PLIN2: variants seen among roughly 807,000 people sequenced by gnomAD.
PLIN2 encodes perilipin-2.
PLIN2 carries 33 observed loss-of-function variants against 30.6 expected under a neutral mutation model. That is an observed-to-expected ratio of 1.08 (90% CI 0.82 to 1.44). The LOEUF (loss-of-function observed/expected upper bound fraction) is 1.44. PLIN2 is among the 40% of genes most tolerant of loss of function. PLIN2 has a pLI of 0.00. For synonymous variants in PLIN2, 205 were observed against 201.1 expected, an observed-to-expected ratio of 1.02 and a Z score of -0.16; for missense variants, 610 against 531.8, an observed-to-expected ratio of 1.15 and a Z score of -1.45.
rs891906247 is a variant in PLIN2, at chr9:19,123,404, T to C, written c.309+161A>G. On this transcript the variant is annotated intron_variant, in intron 4 of 7. Transcript: ENST00000276914. Reference sequence around the variant, plus strand: ...CTTCGTAGATACAACTTGACAACAGTTCAGGAAGTAAGGAAGTGGCCATTA... The same window carrying C: ...CTTCGTAGATACAACTTGACAACAGCTCAGGAAGTAAGGAAGTGGCCATTA... The C allele has an allele frequency of 6.4e-6, 10 of 1,551,750 alleles. No individual in the cohort carries two copies. The South Asian group carries it at 7.1e-5, about 11-fold the overall frequency.
chr9:19,126,033 G>A (rs975006266), intron 3 of PLIN2, 81 bp downstream of exon 3: 2 of 1,195,618 alleles, frequency 1.7e-6, no homozygotes, highest in African/African-American at 3.0e-5. Flanking sequence ...GGGCTGAGGA[G>A]TTCCAGATGT....
chr9:19,117,485 C>G (rs1241698798), intron 7 of PLIN2, among the ~76,000 whole-genome samples: 1 of 151,902 alleles, frequency 6.6e-6, no homozygotes, highest in African/African-American at 2.4e-5. Flanking sequence ...CCTCTGGAAC[C>G]TTGGTCACCT....
downstream of PLIN2, among the ~76,000 whole-genome samples, chr9:19,114,075 G>A (rs868380411): frequency 1.1e-4 from 16 of 152,006 alleles, no homozygotes; most frequent in South Asian, 4.1e-4. Context: ...TACCAAGCCC[G>A]GCCTAATTTT....
intron 7 of PLIN2, among the ~76,000 whole-genome samples, chr9:19,117,182 A>T (rs1031424079): frequency 2.7e-5 from 4 of 150,354 alleles, no homozygotes; most frequent in African/African-American, 7.4e-5. Context: ...TCTTTCTGAG[A>T]CAGGGTCTCA....
intron 2 of PLIN2, among the ~76,000 whole-genome samples, chr9:19,110,734 C>T (rs1262654846): frequency 6.6e-6 from 1 of 152,150 alleles, no homozygotes; most frequent in African/African-American, 2.4e-5. Flanking sequence ...CCTTGGCCTC[C>T]CAAAGTGCTG....
intron 1 of PLIN2, among the ~76,000 whole-genome samples, chr9:19,126,885 T>C: frequency 6.6e-6 from 1 of 151,882 alleles, no homozygotes; most frequent in Non-Finnish European, 1.5e-5. Flanking sequence ...CTTCTAAAAA[T>C]ACAAAAATTA....
rs1235683048 is a variant in PLIN2, at chr9:19,116,327, G to A, written c.1235C>T (p.Ser412Phe). ...TGCACCTTGGTCCTGAGCATTCTGA[G>A]ACTCAGTCAGCTGAGGATAAAAGGG... ...VGPFYPQLTE[S>F]QNAQDQGAEM... is the part of the protein sequence containing the mutation. Residue 412 changes from serine (S) to phenylalanine (F), a missense_variant, in exon 8 of 8, where the codon TCT becomes TTT. Coordinates refer to ENST00000276914, the MANE Select transcript of PLIN2 (RefSeq NM_001122.4). 3 of 1,614,046 alleles carry A rather than the reference G, an allele frequency of 1.9e-6. No individual in the cohort carries two copies. The highest frequency in any genetic ancestry group is 3.3e-5 in the Admixed American group (2 of 60,008).
At chr9:19,109,317 G>T (rs1424699566) in intron 2 of PLIN2, among the ~76,000 whole-genome samples, 1 of 151,996 alleles carries the variant, frequency 6.6e-6, no homozygotes, top group African/African-American at 2.4e-5. Context: ...CCCTTTGGGA[G>T]GCCGAGATGG....
rs1016533230 is a variant in PLIN2 at position 19,116,043 on chromosome 9, A to G, written c.*205T>C. The stretch of plus-strand genomic sequence containing the variant: ...TCTGGCTATAGGCTCTGACAAGCCT[A>G]TCATTCTTTTCTTACCAGGTGAACA... On this transcript the variant is annotated 3_prime_UTR_variant, in exon 8 of 8. Coordinates refer to ENST00000276914, the MANE Select transcript of PLIN2 (RefSeq NM_001122.4). 2.1e-6 allele frequency: 1 copy of G among 477,646 alleles called. No homozygotes were observed. Among genetic ancestry groups the G allele is most frequent in the Admixed American group, 3.8e-5 (1 of 26,508 alleles). 29.6% of individuals were successfully genotyped at this position (477,646 alleles called of 1,614,324 possible).
chr9:19,124,063 G>C (rs1001849903), intron 3 of PLIN2, among the ~76,000 whole-genome samples: 2 of 150,656 alleles, frequency 1.3e-5, no homozygotes, highest in African/African-American at 2.4e-5. Context: ...ACAACAGAAG[G>C]CATTGCCTGG....
rs775536022 is a variant in PLIN2 at position 19,118,277 on chromosome 9, G to C, written c.912+44C>G. The stretch of plus-strand genomic sequence containing the variant: ...AAAATTGAAATGAAAAGTCTGATAA[G>C]AACTTCTTCAGCAACCAACAAATGA... On this transcript the variant is annotated intron_variant, in intron 7 of 7. Transcript: ENST00000276914. 2.6e-6 allele frequency: 4 copies of C among 1,540,010 alleles called. No individual in the cohort carries two copies. The East Asian group carries it at 7.0e-5, about 27-fold the overall frequency.
Position 19,126,229 on chromosome 9 carries a change from C to T in PLIN2, c.111G>A (p.Lys37=). Residue 37 remains lysine (K), a synonymous_variant, in exon 3 of 8, where the codon AAG becomes AAA. Transcript: ENST00000276914. ...DLMSSAYLST[K]DQYPYLKSVC... ...CAGACTTCAGGTAGGGATACTGGTC[C>T]TTTGTACTGAGATAGGCTGAGGACA... The T allele has an allele frequency of 6.2e-7, 1 of 1,614,110 alleles. No homozygotes were observed. The highest frequency in any genetic ancestry group is 1.1e-5 in the South Asian group (1 of 91,078).
downstream of PLIN2, among the ~76,000 whole-genome samples, chr9:19,114,844 A>G (rs1216544257): frequency 6.6e-6 from 1 of 152,218 alleles, no homozygotes; most frequent in Non-Finnish European, 1.5e-5. Context: ...AGGTAAGAAG[A>G]ACCTTTTTCT....
At chr9:19,109,229 G>A (rs1218786282) in intron 2 of PLIN2, among the ~76,000 whole-genome samples, 1 of 152,092 alleles carries the variant, frequency 6.6e-6, no homozygotes, top group African/African-American at 2.4e-5. Context: ...CGATAAGCTA[G>A]GTAATGTTTC....
In PLIN2 at chr9:19,116,399, A is replaced by G. The variant is rs150775021; in HGVS notation, c.1163T>C (p.Val388Ala). The G allele has an allele frequency of 5.6e-6, 9 of 1,614,112 alleles. No individual in the cohort carries two copies. The African/African-American group carries it at 1.1e-4, about 19-fold the overall frequency. The change falls in exon 8 of 8, where the codon GTG (valine) becomes GCG (alanine). Residue 388 changes from valine to alanine, a missense_variant. By Grantham distance (64) the Val-to-Ala change is moderately conservative. Transcript: ENST00000276914. Reference protein sequence around the residue: ...LQKMKESLDDVMDYLVNNTPL... With the variant: ...LQKMKESLDDAMDYLVNNTPL... ...CGTGTTGTTAACAAGATAATCCATCACGTCATCTAAAGATTCCTTCATTTT... is the reference window on the plus strand; with the variant it reads ...CGTGTTGTTAACAAGATAATCCATCGCGTCATCTAAAGATTCCTTCATTTT...
At chr9:19,119,903 C>A in intron 5 of PLIN2, 72 bp from the exon 6 acceptor site, 1 of 998,536 alleles carries the variant, frequency 1.0e-6, no homozygotes, top group Non-Finnish European at 1.5e-6. Flanking sequence ...GGACTCTAAC[C>A]TGGGTCTTGA....
chr9:19,109,527 C>G (rs1483989787), intron 2 of PLIN2, among the ~76,000 whole-genome samples: 2 of 125,548 alleles, frequency 1.6e-5, no homozygotes, highest in African/African-American at 3.1e-5. Flanking sequence ...GGCGACAGAG[C>G]GAGACTCTGT....
At position 19,123,164 on chromosome 9, in the gene PLIN2, G is replaced by C. The variant is rs973858897; in HGVS notation, c.309+401C>G. 5.4e-5 allele frequency: 31 copies of C among 577,250 alleles called. No individual in the cohort carries two copies. In the Middle Eastern group the frequency reaches 1.4e-3, roughly 25 times the overall value. The allele number at this position is 577,250 out of a possible 1,614,324, so 35.8% of individuals were successfully genotyped here. On this transcript the variant is annotated intron_variant, in intron 4 of 7. Coordinates refer to ENST00000276914, the MANE Select transcript of PLIN2 (RefSeq NM_001122.4). ...CAGGACAGACAAGCCTATCATTTTT[G>C]TCAACACTGGCTAGCTATCCCATAT...
At chr9:19,108,984 T>A (rs1020044141) in intron 2 of PLIN2, among the ~76,000 whole-genome samples, 3 of 152,212 alleles carry the variant, frequency 2.0e-5, no homozygotes, top group Admixed American at 6.5e-5. Context: ...GAAGCTTTTT[T>A]AAAAAATACC....
Sources: allele counts gnomAD v4.1 joint callset (sites outside exome capture counted in the v4.1 genomes callset), GRCh38; gene constraint gnomAD v4.1.1; transcripts MANE v1.5; gene names NCBI Gene and HGNC (gene_info 2026-07-23, HGNC 2026-07-21).